Variants in CDYL observed in about 807,000 individuals in gnomAD.
CDYL encodes the protein chromodomain Y-like protein.
Under a neutral mutation model 47.3 loss-of-function variants are expected in CDYL, and 8 were observed. The observed-to-expected ratio is 0.17, with a 90% confidence interval of 0.10 to 0.31. The LOEUF is 0.31. Among genes scored for constraint, CDYL ranks in the 10% least tolerant of loss-of-function variants. CDYL has a pLI of 1.00. For missense variants in CDYL, 471 were observed against 701.4 expected, an observed-to-expected ratio of 0.67 and a Z score of 3.71; for synonymous variants, 266 against 265.0, an observed-to-expected ratio of 1.00 and a Z score of -0.04.
intron 2 of CDYL, among the ~76,000 whole-genome samples, chr6:4,933,393 G>A (rs1039199199): frequency 5.9e-5 from 9 of 152,136 alleles, no homozygotes; most frequent in East Asian, 1.9e-4. Context: ...CCCCTCTTCC[G>A]CTCCCCCAGG....
At chr6:4,811,632 C>T (rs1423293068) in intron 1 of CDYL, among the ~76,000 whole-genome samples, 5 of 126,864 alleles carry the variant, frequency 3.9e-5, no homozygotes, top group African/African-American at 1.6e-4. Context: ...TTTTTTGAGA[C>T]AGGGTCTCTG....
chr6:4,745,011 T>G (rs909263396), intron 3 of CDYL, among the ~76,000 whole-genome samples: 1 of 152,146 alleles, frequency 6.6e-6, no homozygotes, highest in South Asian at 2.1e-4. Context: ...CAGGTTGGAG[T>G]GCAGTGGCAT....
At chr6:4,732,605 A>G (rs777412632) in intron 2 of CDYL, among the ~76,000 whole-genome samples, 1 of 146,066 alleles carries the variant, frequency 6.8e-6, no homozygotes, top group Non-Finnish European at 1.5e-5. Context: ...GAGGCAGCAA[A>G]TGAGCTCTGG....
chr6:4,828,108 T>C (rs1760029535), intron 1 of CDYL, among the ~76,000 whole-genome samples: 1 of 152,218 alleles, frequency 6.6e-6, no homozygotes, highest in African/African-American at 2.4e-5. Context: ...ATGCTTTCAC[T>C]TGAAGCATTT....
intron 1 of CDYL, among the ~76,000 whole-genome samples, chr6:4,822,234 G>T (rs1759860538): frequency 6.6e-6 from 1 of 151,936 alleles, no homozygotes; most frequent in Non-Finnish European, 1.5e-5. Flanking sequence ...CCTGGGCTCA[G>T]GTGATTCACC....
intron 1 of CDYL, among the ~76,000 whole-genome samples, chr6:4,833,137 C>G (rs1430635801): frequency 1.4e-5 from 2 of 143,978 alleles, no homozygotes; most frequent in Non-Finnish European, 1.5e-5. Flanking sequence ...TTTGCTCTTG[C>G]TTTTCTAGTT....
At chr6:4,820,059 G>C (rs1759790510) in intron 1 of CDYL, among the ~76,000 whole-genome samples, 5 of 152,138 alleles carry the variant, frequency 3.3e-5, no homozygotes, top group African/African-American at 1.2e-4. Flanking sequence ...GGGAATGCAG[G>C]CTGATTCCTA....
chr6:4,823,907 C>G (rs1581191171), intron 1 of CDYL, among the ~76,000 whole-genome samples: 1 of 152,306 alleles, frequency 6.6e-6, no homozygotes, highest in East Asian at 1.9e-4. Context: ...TCCCCCAGTC[C>G]CTGGAAATCT....
At chr6:4,746,939 C>G (rs1484351546) in intron 3 of CDYL, among the ~76,000 whole-genome samples, 2 of 152,160 alleles carry the variant, frequency 1.3e-5, no homozygotes, top group Non-Finnish European at 2.9e-5. Flanking sequence ...CCCCAATCCC[C>G]ATCCTAAATT....
intron 1 of CDYL, among the ~76,000 whole-genome samples, chr6:4,795,143 T>C (rs1054797019): frequency 8.1e-5 from 12 of 148,912 alleles, no homozygotes; most frequent in African/African-American, 2.5e-4. Flanking sequence ...ATTTGTTAGA[T>C]GCTCTTTTTT....
chr6:4,776,665 C>A lies in CDYL; in HGVS notation c.-119C>A. On this transcript the variant is annotated 5_prime_UTR_variant, in exon 1 of 7. Transcript: ENST00000397588. ...AGGCTCGTCCGTGCCCAGCGCCCGG[C>A]CGGCCGCGGGAGCAGGAAGCGCAGG... 2.2e-6 allele frequency: 2 copies of A among 908,646 alleles called. No individual in the cohort carries two copies. Among genetic ancestry groups the A allele is most frequent in the Non-Finnish European group, 2.9e-6 (2 of 687,012 alleles). 56.3% of individuals were successfully genotyped at this position (908,646 alleles called of 1,614,324 possible). A position where few individuals can be genotyped will look rare whatever the true frequency, so the allele number is the denominator to read the frequency against.
At chr6:4,922,589 C>T (rs1361332031) in intron 2 of CDYL, among the ~76,000 whole-genome samples, 2 of 152,198 alleles carry the variant, frequency 1.3e-5, no homozygotes, top group Non-Finnish European at 2.9e-5. Context: ...GTGGTGCCCA[C>T]CAGTACGTGC....
intron 1 of CDYL, among the ~76,000 whole-genome samples, chr6:4,887,205 T>C (rs1184935304): frequency 3.9e-5 from 6 of 152,204 alleles, no homozygotes; most frequent in Non-Finnish European, 7.4e-5. Flanking sequence ...CGTGTGAATT[T>C]TGGGATTAGC....
intron 1 of CDYL, among the ~76,000 whole-genome samples, chr6:4,817,517 G>A (rs1759709253): frequency 6.6e-6 from 1 of 152,134 alleles, no homozygotes; most frequent in African/African-American, 2.4e-5. Flanking sequence ...ATAGAAAAGT[G>A]TTATCTTTTA....
intron 2 of CDYL, among the ~76,000 whole-genome samples, chr6:4,899,344 A>G (rs940864169): frequency 5.9e-5 from 9 of 152,248 alleles, no homozygotes; most frequent in Middle Eastern, 6.3e-3. Flanking sequence ...GGTGTTTTAA[A>G]TTTTATGTTC....
At chr6:4,799,070 C>T (rs1485896841) in intron 1 of CDYL, among the ~76,000 whole-genome samples, 1 of 152,186 alleles carries the variant, frequency 6.6e-6, no homozygotes, top group African/African-American at 2.4e-5. Context: ...TAGTGCTGTA[C>T]ATTTACTTGC....
At chr6:4,740,109 C>CT (rs1757771432) in intron 3 of CDYL, among the ~76,000 whole-genome samples, 1 of 152,144 alleles carries the variant, frequency 6.6e-6, no homozygotes, top group South Asian at 2.1e-4. Flanking sequence ...AGGAGAGTGT[C>CT]TGACTTTTAT....
At chr6:4,895,519 A>C (rs112049514) in intron 2 of CDYL, among the ~76,000 whole-genome samples, 1,851 of 147,230 alleles carry the variant, frequency 0.013, 224 homozygotes, top group African/African-American at 0.046. Context: ...ATATATGTAT[A>C]TATACATGTA....
At chr6:4,911,488 A>C (rs2127500478) in intron 2 of CDYL, among the ~76,000 whole-genome samples, 1 of 152,292 alleles carries the variant, frequency 6.6e-6, no homozygotes, top group South Asian at 2.1e-4. Flanking sequence ...TAGTGAACAA[A>C]ATGTGTCCGC....
Sources: gnomAD v4.1 joint callset for allele counts (sites outside exome capture counted in the v4.1 genomes callset) on GRCh38, gnomAD v4.1.1 for gene constraint, MANE v1.5 for transcripts, NCBI Gene and HGNC (gene_info 2026-07-23, HGNC 2026-07-21) for gene names.